Variants in GRID1 observed in about 807,000 individuals in gnomAD.
GRID1 encodes the protein glutamate ionotropic receptor delta type subunit 1.
A neutral mutation model predicts 98.0 loss-of-function variants in GRID1; 28 were observed. That is an observed-to-expected ratio of 0.29 (90% CI 0.21 to 0.39). GRID1 has a LOEUF of 0.39. GRID1 is among the 10% of genes least tolerant of loss of function. GRID1 has a pLI of 1.00. For synonymous variants in GRID1, 553 were observed against 538.5 expected, an observed-to-expected ratio of 1.03 and a Z score of -0.37; for missense variants, 1,111 against 1,340.5, an observed-to-expected ratio of 0.83 and a Z score of 2.67.
chr10:85,681,662 C>T lies in GRID1; in HGVS notation c.1998-34265G>A, dbSNP rs372352712. 7.9e-5 allele frequency among the ~76,000 whole-genome samples: 12 copies of T among 152,286 alleles called. No individual in the cohort carries two copies. The South Asian group carries it at 1.2e-3, about 16-fold the overall frequency. ...ACAGCCCAGCCCCTTTCTGCCACCG[C>T]AGCTGAGGGTAATTATTCCCTCCAC... On this transcript the variant is annotated intron_variant, in intron 12 of 15. Coordinates refer to ENST00000327946, the MANE Select transcript of GRID1 (RefSeq NM_017551.3).
At chr10:86,062,799 C>A (rs940038633) in intron 4 of GRID1, among the ~76,000 whole-genome samples, 13 of 152,254 alleles carry the variant, frequency 8.5e-5, no homozygotes, top group African/African-American at 3.1e-4. Flanking sequence ...CAGCACCCGT[C>A]TGGCACAGGC....
chr10:86,063,714 C>T (rs543777965), intron 4 of GRID1, among the ~76,000 whole-genome samples: 1 of 151,790 alleles, frequency 6.6e-6, no homozygotes, highest in Non-Finnish European at 1.5e-5. Flanking sequence ...AAAAGTCAGA[C>T]CAAAGAAGAA....
chr10:86,278,265 T>C (rs1467572837), intron 2 of GRID1, among the ~76,000 whole-genome samples: 4 of 152,170 alleles, frequency 2.6e-5, no homozygotes, highest in Non-Finnish European at 4.4e-5. Context: ...TATAATACTA[T>C]TTTTTAAATT....
At chr10:85,989,118 C>T (rs1358345318) in intron 4 of GRID1, among the ~76,000 whole-genome samples, 2 of 152,198 alleles carry the variant, frequency 1.3e-5, no homozygotes, top group African/African-American at 4.8e-5. Context: ...GAGTTGCCTG[C>T]TACCTGGCAC....
chr10:86,242,195 G>A (rs1254172316), intron 2 of GRID1, among the ~76,000 whole-genome samples: 1 of 152,262 alleles, frequency 6.6e-6, no homozygotes, highest in African/African-American at 2.4e-5. Context: ...TTTGAAGGCA[G>A]AGCAAGATTT....
chr10:85,700,833 C>T (rs1301761714), intron 12 of GRID1, among the ~76,000 whole-genome samples: 1 of 152,128 alleles, frequency 6.6e-6, no homozygotes, highest in African/African-American at 2.4e-5. Context: ...CTCTTGGATG[C>T]TGGCATTGTC....
At chr10:86,079,893 T>C (rs978323567) in intron 4 of GRID1, among the ~76,000 whole-genome samples, 1 of 152,056 alleles carries the variant, frequency 6.6e-6, no homozygotes, top group Non-Finnish European at 1.5e-5. Context: ...TTAACCTCCC[T>C]AGCAGTGGGT....
At chr10:85,703,751 A>C (rs1841481162) in intron 12 of GRID1, among the ~76,000 whole-genome samples, 1 of 152,142 alleles carries the variant, frequency 6.6e-6, no homozygotes, top group Admixed American at 6.6e-5. Flanking sequence ...TTTGAAATGC[A>C]CAAGTGGACA....
At chr10:85,627,636 A>T (rs576959972) in intron 13 of GRID1, among the ~76,000 whole-genome samples, 4 of 152,206 alleles carry the variant, frequency 2.6e-5, no homozygotes, top group African/African-American at 9.6e-5. Context: ...GTGATTACGG[A>T]TATCGAGGCT....
At chr10:86,285,776 T>C (rs73335914) in intron 2 of GRID1, among the ~76,000 whole-genome samples, 1,810 of 152,312 alleles carry the variant, frequency 0.012, 38 homozygotes, top group African/African-American at 0.042. Flanking sequence ...AGATTCGATA[T>C]ATGGTAAGTC....
intron 2 of GRID1, among the ~76,000 whole-genome samples, chr10:86,286,130 G>A (rs536911397): frequency 1.3e-5 from 2 of 152,276 alleles, no homozygotes; most frequent in East Asian, 3.9e-4. Flanking sequence ...TAGCCTGTAG[G>A]TATAGGTATA....
At chr10:85,640,764 G>A (rs886528443) in intron 13 of GRID1, among the ~76,000 whole-genome samples, 48 of 152,316 alleles carry the variant, frequency 3.2e-4, no homozygotes, top group African/African-American at 8.9e-4. Context: ...AAGAGAAAGC[G>A]AATAAATGTT....
intron 8 of GRID1, among the ~76,000 whole-genome samples, chr10:85,788,183 T>G (rs1426262213): frequency 6.6e-6 from 1 of 152,142 alleles, no homozygotes; most frequent in Non-Finnish European, 1.5e-5. Flanking sequence ...TCAGGAATTA[T>G]TGACTGCCTA....
At position 85,614,206 on chromosome 10, in the gene GRID1, A is replaced by G. The variant is rs185297135; in HGVS notation, c.2361-559T>C. Among the ~76,000 whole-genome samples, 32 of 152,356 alleles carry G rather than the reference A, an allele frequency of 2.1e-4. No individual in the cohort carries two copies. In the East Asian group the frequency reaches 5.4e-3, roughly 26 times the overall value. ...AGATACAATCACTGACCCTAAAAAA[A>G]TTAGCTCAATCAAAGTGCAGGCAGA... On this transcript the variant is annotated intron_variant, in intron 14 of 15. Transcript: ENST00000327946.
chr10:86,266,859 G>A (rs1847112023), intron 2 of GRID1, among the ~76,000 whole-genome samples: 1 of 152,182 alleles, frequency 6.6e-6, no homozygotes, highest in Non-Finnish European at 1.5e-5. Flanking sequence ...GGATTGGGTA[G>A]TGGGACTCCC....
At chr10:86,284,019 C>A (rs1847393980) in intron 2 of GRID1, among the ~76,000 whole-genome samples, 1 of 151,292 alleles carries the variant, frequency 6.6e-6, no homozygotes, top group African/African-American at 2.4e-5. Flanking sequence ...CTCACATACA[C>A]CTGCATATAT....
chr10:86,206,797 C>T lies in GRID1; in HGVS notation c.236-149G>A. ...AGGACCAAGAACCATCCTGGGCAGG[C>T]CAGTGGCTCTCATAAGCACAGCCTC... On this transcript the variant is annotated intron_variant, in intron 2 of 15. Transcript: ENST00000327946. The surrounding 1 kb of genome is among the most constrained non-coding windows in gnomAD (Gnocchi z 4.1). 1.5e-6 allele frequency: 1 copy of T among 654,976 alleles called. No individual in the cohort carries two copies. Among genetic ancestry groups the T allele is most frequent in the Non-Finnish European group, 2.6e-6 (1 of 385,560 alleles). 40.6% of individuals were successfully genotyped at this position (654,976 alleles called of 1,614,324 possible). A position where few individuals can be genotyped will look rare whatever the true frequency, so the allele number is the denominator to read the frequency against.
intron 4 of GRID1, among the ~76,000 whole-genome samples, chr10:86,049,619 C>G (rs981605670): frequency 3.9e-5 from 6 of 152,164 alleles, no homozygotes; most frequent in Non-Finnish European, 7.4e-5. Context: ...CAATGGGAAC[C>G]CTGCCAGAAT....
intron 4 of GRID1, among the ~76,000 whole-genome samples, chr10:86,069,095 G>A (rs867406188): frequency 6.6e-6 from 1 of 152,058 alleles, no homozygotes; most frequent in Non-Finnish European, 1.5e-5. Flanking sequence ...TGGGAGGACT[G>A]AGGATGGGCC....
Sources: allele counts gnomAD v4.1 joint callset (sites outside exome capture counted in the v4.1 genomes callset), GRCh38; gene constraint gnomAD v4.1.1; non-coding constraint Gnocchi (gnomAD v3.1); transcripts MANE v1.5; gene names NCBI Gene and HGNC (gene_info 2026-07-23, HGNC 2026-07-21).